ANKRD36: variants seen among roughly 807,000 people sequenced by gnomAD.
The protein encoded by ANKRD36 is ankyrin repeat domain-containing protein 36A.
Under a neutral mutation model 278.1 loss-of-function variants are expected in ANKRD36, and 179 were observed. The ratio of observed to expected loss-of-function variants is 0.64; its 90% CI spans 0.57 to 0.73. ANKRD36 has a LOEUF of 0.73. ANKRD36 is among the 30% of genes least tolerant of loss of function. The pLI, the probability that ANKRD36 is intolerant of heterozygous loss-of-function variation, is 0.00. For missense variants in ANKRD36, 1,159 were observed against 1,956.7 expected (o/e 0.59, Z 7.69); for synonymous variants, 320 against 641.1 (o/e 0.50, Z 7.57).
At chr2:97,224,594 C>T (rs1184857394) in intron 66 of ANKRD36, among the ~76,000 whole-genome samples, 4 of 152,128 alleles carry the variant, frequency 2.6e-5, no homozygotes, top group Non-Finnish European at 4.4e-5. Context: ...GGACTACAGG[C>T]GCCCGCCACC....
chr2:97,199,861 T>G (rs540616104), intron 44 of ANKRD36, among the ~76,000 whole-genome samples: 14 of 151,968 alleles, frequency 9.2e-5, no homozygotes, highest in African/African-American at 2.6e-4. Flanking sequence ...TCAACTGGAG[T>G]GTCATCGTAA....
chr2:97,130,243 A>G (rs1344792775), intron 6 of ANKRD36, among the ~76,000 whole-genome samples: 1 of 151,992 alleles, frequency 6.6e-6, no homozygotes, highest in East Asian at 1.9e-4. Context: ...TGGCACATAT[A>G]CACCATGGGA....
intron 1 of ANKRD36, 55 bp downstream of exon 1, chr2:97,113,991 T>G: frequency 6.5e-7 from 1 of 1,548,500 alleles, no homozygotes; most frequent in South Asian, 1.2e-5. Flanking sequence ...TGTGGAGAAG[T>G]ACCCCTTTCC....
intron 30 of ANKRD36, 69 bp downstream of exon 30, chr2:97,185,579 A>G (rs2057248195): frequency 6.5e-7 from 1 of 1,539,640 alleles, no homozygotes; most frequent in Admixed American, 1.9e-5. Context: ...TCCCTGAATA[A>G]ATCAGCGGGG....
chr2:97,191,610 C>A (rs1193670236), intron 36 of ANKRD36, among the ~76,000 whole-genome samples: 1 of 151,638 alleles, frequency 6.6e-6, no homozygotes, highest in African/African-American at 2.4e-5. Context: ...GAGACCCCTC[C>A]TGTAGCAATT....
In ANKRD36 at chr2:97,191,179, C is replaced by T; in HGVS notation, c.2345C>T (p.Thr782Ile). 3 of 1,588,458 alleles carry T rather than the reference C, an allele frequency of 1.9e-6. No individual in the cohort carries two copies. The East Asian group carries it at 6.9e-5, about 37-fold the overall frequency. The change falls in exon 36 of 76, where the codon ACA becomes ATA. Residue 782 changes from threonine to isoleucine, a missense_variant and splice_region_variant. By Grantham distance (89) the Thr-to-Ile change is moderately conservative. Transcript: ENST00000420699. The part of the protein sequence containing the change: ...TEIKDGEKSG[T>I]VSSQKPPALT... Reference sequence around the variant, plus strand: ...ATAAAGGATGGAGAAAAATCTGGGACAGGTAATTTTGCAAAAGACATTTAA... The same window carrying T: ...ATAAAGGATGGAGAAAAATCTGGGATAGGTAATTTTGCAAAAGACATTTAA...
intron 68 of ANKRD36, among the ~76,000 whole-genome samples, chr2:97,235,255 C>CA (rs1277320277): frequency 6.6e-6 from 1 of 151,556 alleles, no homozygotes; most frequent in African/African-American, 2.4e-5. Flanking sequence ...TCCAACACCG[C>CA]ATGTTGAAAA....
chr2:97,197,121 C>T (rs917556580), intron 42 of ANKRD36, among the ~76,000 whole-genome samples: 48 of 152,010 alleles, frequency 3.2e-4, no homozygotes, highest in South Asian at 6.3e-4. Flanking sequence ...GAGGAAGTAT[C>T]GATTTTACAG....
intron 66 of ANKRD36, among the ~76,000 whole-genome samples, chr2:97,220,461 C>G (rs1297438234): frequency 1.3e-5 from 2 of 151,116 alleles, no homozygotes; most frequent in Non-Finnish European, 2.9e-5. Flanking sequence ...TTAAATTTCT[C>G]ACACCCACAA....
intron 6 of ANKRD36, among the ~76,000 whole-genome samples, chr2:97,138,618 A>C (rs1195614970): frequency 6.6e-6 from 1 of 152,044 alleles, no homozygotes; most frequent in Admixed American, 6.6e-5. Context: ...AAAAGAGCCC[A>C]TATAGCCAAG....
In ANKRD36 at chr2:97,205,981, C is replaced by T. The variant is rs748201167; in HGVS notation, c.3090+13C>T. ...ACCAACCTTGAAGGTAATGAAACTC[C>T]CATTTATATTGTGAACGAGTTAATA... On this transcript the variant is annotated intron_variant, in intron 51 of 75. Transcript: ENST00000420699. 21 of 1,553,088 alleles carry T rather than the reference C, an allele frequency of 1.4e-5. 2 individuals carry two copies. The East Asian group carries it at 1.4e-4, about 11-fold the overall frequency.
At chr2:97,132,963 A>G (rs907091777) in intron 6 of ANKRD36, among the ~76,000 whole-genome samples, 1 of 152,094 alleles carries the variant, frequency 6.6e-6, no homozygotes, top group African/African-American at 2.4e-5. Context: ...ATTCTGTCTC[A>G]CACATATACA....
intron 67 of ANKRD36, among the ~76,000 whole-genome samples, chr2:97,226,774 C>T (rs2069828179): frequency 6.6e-6 from 1 of 151,428 alleles, no homozygotes; most frequent in African/African-American, 2.4e-5. Context: ...ACGTTTAAGC[C>T]TTTAATCCAT....
At chr2:97,229,081 T>G (rs2070981132) in intron 67 of ANKRD36, among the ~76,000 whole-genome samples, 1 of 151,774 alleles carries the variant, frequency 6.6e-6, no homozygotes. Flanking sequence ...TTGGAATAGG[T>G]GTGGTGTGGT....
intron 6 of ANKRD36, among the ~76,000 whole-genome samples, chr2:97,136,251 G>T (rs1228787957): frequency 6.7e-6 from 1 of 149,698 alleles, no homozygotes; most frequent in Non-Finnish European, 1.5e-5. Flanking sequence ...ATACATGAAG[G>T]CATATGGAGA....
chr2:97,182,842 C>A (rs2056568358), intron 26 of ANKRD36, among the ~76,000 whole-genome samples: 1 of 151,552 alleles, frequency 6.6e-6, no homozygotes, highest in South Asian at 2.1e-4. Flanking sequence ...CTAGAGGACA[C>A]AACAAATGTA....
chr2:97,128,921 T>C (rs1459840736), intron 6 of ANKRD36, among the ~76,000 whole-genome samples: 1 of 152,070 alleles, frequency 6.6e-6, no homozygotes, highest in Non-Finnish European at 1.5e-5. Context: ...CAATCAGAAG[T>C]AGTCTACAGA....
intron 6 of ANKRD36, among the ~76,000 whole-genome samples, chr2:97,127,734 A>C (rs970010419): frequency 6.6e-6 from 1 of 151,984 alleles, no homozygotes; most frequent in African/African-American, 2.4e-5. Flanking sequence ...GTGTTCACCC[A>C]CCCATGGTAA....
chr2:97,205,816 G>A, intron 50 of ANKRD36, 124 bp from the exon 51 acceptor site: 1 of 1,318,220 alleles, frequency 7.6e-7, no homozygotes, highest in South Asian at 1.3e-5. Context: ...ACACAAAGTA[G>A]AAGCCATCAA....
Sources: gnomAD v4.1 joint callset for allele counts (sites outside exome capture counted in the v4.1 genomes callset) on GRCh38, gnomAD v4.1.1 for gene constraint, MANE v1.5 for transcripts, NCBI Gene and HGNC (gene_info 2026-07-23, HGNC 2026-07-21) for gene names.